The following SPOCK1 variants were observed in gnomAD, a reference collection of about 807,000 sequenced individuals.
The protein encoded by SPOCK1 is SPARC (osteonectin), cwcv and kazal like domains proteoglycan 1, also known as testican-1.
In SPOCK1, 23 loss-of-function variants were observed where a neutral mutation model predicts 55.3. The observed-to-expected ratio is 0.42, with a 90% CI of 0.30 to 0.59. SPOCK1 has a LOEUF of 0.59. Among genes scored for constraint, SPOCK1 ranks in the 20% least tolerant of loss-of-function variants. SPOCK1 has a pLI of 0.22. For missense variants in SPOCK1, 499 were observed against 552.5 expected (o/e 0.90, Z 0.97); for synonymous variants, 226 against 221.0 (o/e 1.02, Z -0.20).
At chr5:137,403,266 G>A (rs1223483032) in intron 2 of SPOCK1, among the ~76,000 whole-genome samples, 1 of 152,106 alleles carries the variant, frequency 6.6e-6, no homozygotes, top group Non-Finnish European at 1.5e-5. Context: ...CTTCCCTGCT[G>A]GGCAGTATGC....
intron 3 of SPOCK1, among the ~76,000 whole-genome samples, chr5:137,205,088 G>T (rs1322528364): frequency 5.3e-5 from 8 of 152,186 alleles, no homozygotes; most frequent in Non-Finnish European, 1.0e-4. Flanking sequence ...TGCTGAAGTT[G>T]ATGCTCCTTT....
intron 3 of SPOCK1, among the ~76,000 whole-genome samples, chr5:137,231,860 G>C (rs968901196): frequency 2.6e-5 from 4 of 152,144 alleles, no homozygotes; most frequent in Non-Finnish European, 5.9e-5. Flanking sequence ...CCACAACCTT[G>C]CCAGCATTGG....
intron 5 of SPOCK1, among the ~76,000 whole-genome samples, chr5:137,087,071 C>A (rs1457992094): frequency 6.6e-6 from 1 of 152,184 alleles, no homozygotes; most frequent in East Asian, 1.9e-4. Context: ...CTAGAGAAAT[C>A]CTTGTAGATA....
intron 2 of SPOCK1, among the ~76,000 whole-genome samples, chr5:137,438,826 A>G (rs192050139): frequency 3.0e-4 from 45 of 152,344 alleles, no homozygotes; most frequent in South Asian, 1.4e-3. Context: ...AGACTCCCCA[A>G]TCACAAGGAA....
chr5:137,302,167 A>G (rs2127137294), intron 2 of SPOCK1, among the ~76,000 whole-genome samples: 1 of 152,280 alleles, frequency 6.6e-6, no homozygotes, highest in Middle Eastern at 3.4e-3. Flanking sequence ...AGGGAAAGAG[A>G]AAATCAAATT....
chr5:137,456,155 G>C (rs900211959), intron 2 of SPOCK1, among the ~76,000 whole-genome samples: 1 of 152,152 alleles, frequency 6.6e-6, no homozygotes, highest in Non-Finnish European at 1.5e-5. Flanking sequence ...CTGCTCATAT[G>C]AGGGTCCACA....
chr5:137,140,128 G>T (rs1218199586), intron 4 of SPOCK1, among the ~76,000 whole-genome samples: 1 of 152,200 alleles, frequency 6.6e-6, no homozygotes, highest in Non-Finnish European at 1.5e-5. Context: ...TGGCAAAGAT[G>T]CTACATCCAA....
chr5:137,106,952 A>C, intron 5 of SPOCK1, among the ~76,000 whole-genome samples: 1 of 149,864 alleles, frequency 6.7e-6, no homozygotes, highest in Non-Finnish European at 1.5e-5. Context: ...CACCTCTTCG[A>C]CCCCCTCCTC....
At chr5:137,333,807 T>C (rs968852861) in intron 2 of SPOCK1, among the ~76,000 whole-genome samples, 2 of 152,158 alleles carry the variant, frequency 1.3e-5, no homozygotes, top group African/African-American at 4.8e-5. Context: ...ACATAAAGAT[T>C]TCTGGGAGCA....
chr5:137,220,503 T>C (rs116668916), intron 3 of SPOCK1, among the ~76,000 whole-genome samples: 2,516 of 152,302 alleles, frequency 0.017, 79 homozygotes, highest in African/African-American at 0.057. Context: ...AGGTTGTTTG[T>C]ATTTTACCCC....
chr5:137,077,204 G>T (rs943846906), intron 5 of SPOCK1, among the ~76,000 whole-genome samples: 1 of 152,236 alleles, frequency 6.6e-6, no homozygotes, highest in African/African-American at 2.4e-5. Context: ...GATTACAGGC[G>T]TGAGCCACCG....
At chr5:137,067,623 G>T (rs1752533046) in intron 6 of SPOCK1, 92 bp downstream of exon 6, 1 of 1,094,656 alleles carries the variant, frequency 9.1e-7, no homozygotes, top group Non-Finnish European at 1.4e-6. Context: ...TCTCCAGTTT[G>T]TTCCTAGTGC....
chr5:137,321,452 G>T (rs1346545353), intron 2 of SPOCK1, among the ~76,000 whole-genome samples: 1 of 152,180 alleles, frequency 6.6e-6, no homozygotes, highest in Non-Finnish European at 1.5e-5. Flanking sequence ...TAGACAAAGA[G>T]AGAATTTTGA....
At chr5:137,072,450 C>G (rs574121699) in intron 5 of SPOCK1, among the ~76,000 whole-genome samples, 1 of 152,262 alleles carries the variant, frequency 6.6e-6, no homozygotes, top group East Asian at 1.9e-4. Context: ...GAAAAAGAAG[C>G]AAGAGCCAAT....
chr5:137,037,703 G>C (rs563335746), intron 6 of SPOCK1, among the ~76,000 whole-genome samples: 1 of 152,044 alleles, frequency 6.6e-6, no homozygotes, highest in Non-Finnish European at 1.5e-5. Flanking sequence ...CATGGGAGTC[G>C]CTAACCTAAA....
intron 3 of SPOCK1, among the ~76,000 whole-genome samples, chr5:137,264,776 G>C (rs1267280242): frequency 1.3e-5 from 2 of 152,134 alleles, no homozygotes; most frequent in African/African-American, 4.8e-5. Context: ...TGTCAGCGCT[G>C]ACAGAGTAAC....
At chr5:137,236,472 T>C (rs1756183802) in intron 3 of SPOCK1, among the ~76,000 whole-genome samples, 2 of 152,230 alleles carry the variant, frequency 1.3e-5, no homozygotes, top group Non-Finnish European at 2.9e-5. Context: ...TGATTTATGA[T>C]TTAGTTATTT....
intron 2 of SPOCK1, among the ~76,000 whole-genome samples, chr5:137,346,606 C>A (rs376345634): frequency 6.6e-6 from 1 of 152,260 alleles, no homozygotes; most frequent in African/African-American, 2.4e-5. Context: ...AACTGTAAAG[C>A]GCCATATAAA....
At chr5:137,203,575 T>C (rs1394748210) in intron 3 of SPOCK1, among the ~76,000 whole-genome samples, 1 of 152,200 alleles carries the variant, frequency 6.6e-6, no homozygotes, top group Non-Finnish European at 1.5e-5. Context: ...ATTTACACTT[T>C]TTTTCTTAGG....
Sources: allele counts gnomAD v4.1 joint callset (sites outside exome capture counted in the v4.1 genomes callset), GRCh38; gene constraint gnomAD v4.1.1; transcripts MANE v1.5; gene names NCBI Gene and HGNC (gene_info 2026-07-23, HGNC 2026-07-21).